SCYL2: variants seen among roughly 807,000 people sequenced by gnomAD.
SCYL2 encodes SCY1-like protein 2.
SCYL2 carries 36 observed loss-of-function variants against 100.4 expected under a neutral mutation model. The observed-to-expected ratio is 0.36, with a 90% CI of 0.27 to 0.47. The LOEUF (loss-of-function observed/expected upper bound fraction) is 0.47. Ranked by LOEUF, SCYL2 falls within the 20% of genes least tolerant of loss-of-function variation. SCYL2 has a pLI of 1.00. For synonymous variants in SCYL2, 330 were observed against 359.2 expected (o/e 0.92, Z 0.92); for missense variants, 902 against 1,083.9 (o/e 0.83, Z 2.36).
At chr12:100,268,891 A>T (rs1342535801) in intron 1 of SCYL2, among the ~76,000 whole-genome samples, 1 of 152,166 alleles carries the variant, frequency 6.6e-6, no homozygotes, top group Non-Finnish European at 1.5e-5. Context: ...TCAGCCTCTC[A>T]TGAAGTCCTG....
chr12:100,277,502 A>G (rs2096293774), intron 1 of SCYL2, among the ~76,000 whole-genome samples: 1 of 152,226 alleles, frequency 6.6e-6, no homozygotes, highest in Admixed American at 6.5e-5. Context: ...CTTTGTCATT[A>G]CAAAATGACT....
At chr12:100,326,869 A>G (rs113391756) in intron 12 of SCYL2, 115 bp downstream of exon 12, 2 of 802,222 alleles carry the variant, frequency 2.5e-6, no homozygotes, top group African/African-American at 1.8e-5. Flanking sequence ...TTGAAGAATG[A>G]TGTGATAAAT....
Position 100,298,048 on chromosome 12 carries a change from G to A in SCYL2, c.353G>A (p.Cys118Tyr), listed in dbSNP as rs1218288564. The A allele has an allele frequency of 6.2e-7, 1 of 1,608,886 alleles. No homozygotes were observed. Among genetic ancestry groups the A allele is most frequent in the Admixed American group, 1.7e-5 (1 of 58,820 alleles). Reference sequence around the variant, plus strand: ...TAAAACAGGGATTGCTTGGCATTTTGTACAGAACCAGTTTTTGCCAGTTTA... The same window carrying A: ...TAAAACAGGGATTGCTTGGCATTTTATACAGAACCAGTTTTTGCCAGTTTA... The part of the protein sequence containing the change: ...LEESRDCLAF[C>Y]TEPVFASLAN... Residue 118 changes from cysteine (C) to tyrosine (Y), a missense_variant, in exon 4 of 18, where the codon TGT (cysteine) becomes TAT (tyrosine). Transcript: ENST00000360820.
chr12:100,314,915 G>T (rs993065603), intron 8 of SCYL2, among the ~76,000 whole-genome samples: 1 of 152,180 alleles, frequency 6.6e-6, no homozygotes, highest in African/African-American at 2.4e-5. Context: ...AGCAGTTAAA[G>T]GGGTACTTCT....
chr12:100,315,764 C>T (rs746585341), intron 9 of SCYL2, 30 bp downstream of exon 9: 1 of 1,357,950 alleles, frequency 7.4e-7, no homozygotes. Context: ...GTGTATTTAT[C>T]TACTGTTATT....
At chr12:100,298,242 CTT>C in intron 4 of SCYL2, 67 bp downstream of exon 4, 1 of 1,154,454 alleles carries the variant, frequency 8.7e-7, no homozygotes, top group Non-Finnish European at 1.2e-6. Context: ...GCATTTCAAA[CTT>C]ATTAACCATG....
At chr12:100,273,167 A>T (rs1252053366) in intron 1 of SCYL2, among the ~76,000 whole-genome samples, 3 of 151,844 alleles carry the variant, frequency 2.0e-5, no homozygotes. Context: ...CTTACTACTC[A>T]ATGTCCTTGG....
chr12:100,297,088 A>T (rs1161380789), intron 3 of SCYL2, among the ~76,000 whole-genome samples: 2 of 152,202 alleles, frequency 1.3e-5, no homozygotes, highest in Non-Finnish European at 2.9e-5. Context: ...ACTACTTTGT[A>T]GTTCTTCATT....
Position 100,281,033 on chromosome 12 carries a change from T to TG in SCYL2, c.-28-1910_-28-1909insG, listed in dbSNP as rs1363764395. On this transcript the variant is annotated intron_variant, in intron 1 of 17. Transcript: ENST00000360820. ...TTACCATCAGTGTTTTTTTTTTTTTTTTTTTTTTTTTTTTTGAGATAGAGC... is the reference window on the plus strand; with the variant it reads ...TTACCATCAGTGTTTTTTTTTTTTTTGTTTTTTTTTTTTTTTGAGATAGAGC... 8.0e-4 allele frequency among the ~76,000 whole-genome samples: 108 copies of TG among 135,098 alleles called. 1 individual carries two copies. Among genetic ancestry groups the TG allele is most frequent in the African/African-American group, 2.8e-3 (100 of 35,644 alleles). 88.6% of individuals were successfully genotyped at this position (135,098 alleles called of 152,430 possible). A position where few individuals can be genotyped will look rare whatever the true frequency, so the allele number is the denominator to read the frequency against.
At chr12:100,330,516 A>T (rs1021789005) in intron 13 of SCYL2, among the ~76,000 whole-genome samples, 6 of 152,214 alleles carry the variant, frequency 3.9e-5, no homozygotes, top group African/African-American at 1.4e-4. Flanking sequence ...GAGAAAATTG[A>T]GATATAGAGA....
At chr12:100,294,913 T>C (rs1485362637) in intron 3 of SCYL2, among the ~76,000 whole-genome samples, 2 of 142,114 alleles carry the variant, frequency 1.4e-5, no homozygotes, top group South Asian at 2.3e-4. Context: ...GGGCGGCTGC[T>C]GGGCGGAGGG....
At chr12:100,325,338 T>C (rs1316364295) in intron 11 of SCYL2, among the ~76,000 whole-genome samples, 1 of 152,230 alleles carries the variant, frequency 6.6e-6, no homozygotes, top group Non-Finnish European at 1.5e-5. Flanking sequence ...TATATGTATG[T>C]TTCTTTTTAA....
rs1952176747 is a variant in SCYL2, at chr12:100,329,206, T to A, written c.1648T>A (p.Tyr550Asn). The change falls in exon 13 of 18, where the codon TAC becomes AAC. Residue 550 changes from tyrosine (Y) to asparagine (N), a missense_variant. Transcript: ENST00000360820. ...GTCACATTCTTTTCTATCAGGTATT[T>A]ACAAATGTACTTTTACTCATAAGAA... Reference protein sequence around the residue: ...PAVLMGILGIYKCTFTHKKLG... With the variant: ...PAVLMGILGINKCTFTHKKLG... The A allele has an allele frequency of 1.3e-6, 2 of 1,529,640 alleles. No homozygotes were observed. The highest frequency in any genetic ancestry group is 1.8e-6 in the Non-Finnish European group (2 of 1,103,830). The allele number at this position is 1,529,640 out of a possible 1,614,324, so 94.8% of individuals were successfully genotyped here.
At chr12:100,311,244 G>T (rs1474431930) in intron 5 of SCYL2, 51 bp downstream of exon 5, 1 of 1,543,660 alleles carries the variant, frequency 6.5e-7, no homozygotes, top group African/African-American at 1.4e-5. Context: ...AATTTTGATT[G>T]CATCTGGAAT....
At chr12:100,326,540 T>C in intron 11 of SCYL2, 82 bp from the exon 12 acceptor site, 1 of 946,502 alleles carries the variant, frequency 1.1e-6, no homozygotes, top group East Asian at 2.7e-5. Flanking sequence ...CATATTTATA[T>C]GAAGATTAAG....
rs1229263411 is a variant in SCYL2 at position 100,340,298 on chromosome 12, G to A, written c.*1126G>A. ...CTATTAGCCATTTTTAGGAAGGAAA[G>A]AATCAATTCTCTTAACAGGAAACAT... On this transcript the variant is annotated 3_prime_UTR_variant, in exon 18 of 18. Transcript: ENST00000360820. The A allele has an allele frequency of 6.6e-6, 1 of 152,298 alleles. No individual in the cohort carries two copies. Among genetic ancestry groups the A allele is most frequent in the Non-Finnish European group, 1.5e-5 (1 of 67,946 alleles). The allele number at this position is 152,298 out of a possible 1,614,324, so 9.4% of individuals were successfully genotyped here. A position where few individuals can be genotyped will look rare whatever the true frequency, so the allele number is the denominator to read the frequency against.
At chr12:100,318,647 T>G (rs995557352) in intron 10 of SCYL2, among the ~76,000 whole-genome samples, 9 of 152,198 alleles carry the variant, frequency 5.9e-5, no homozygotes, top group African/African-American at 2.2e-4. Context: ...TGCCTTTTTC[T>G]CATGAAAACA....
chr12:100,281,829 G>A (rs1183719091), intron 1 of SCYL2, among the ~76,000 whole-genome samples: 6 of 136,592 alleles, frequency 4.4e-5, no homozygotes, highest in East Asian at 4.3e-4. Context: ...GCTAGACTCC[G>A]TCTCAAAAAA....
rs1362573082 is a variant in SCYL2, at chr12:100,340,178, G to T, written c.*1006G>T. The T allele has an allele frequency of 6.6e-6, 1 of 152,504 alleles. No homozygotes were observed. Among genetic ancestry groups the T allele is most frequent in the Non-Finnish European group, 1.5e-5 (1 of 67,972 alleles). 9.4% of individuals were successfully genotyped at this position (152,504 alleles called of 1,614,324 possible). A position where few individuals can be genotyped will look rare whatever the true frequency, so the allele number is the denominator to read the frequency against. ...TCTTCTGACCACCAACAGATTTTCA[G>T]CTTGCCATGATAGTCTGACCTCATT... On this transcript the variant is annotated 3_prime_UTR_variant, in exon 18 of 18. Coordinates refer to ENST00000360820, the MANE Select transcript of SCYL2 (RefSeq NM_017988.6).
Sources: gnomAD v4.1 joint callset for allele counts (sites outside exome capture counted in the v4.1 genomes callset) on GRCh38, gnomAD v4.1.1 for gene constraint, MANE v1.5 for transcripts, NCBI Gene and HGNC (gene_info 2026-07-23, HGNC 2026-07-21) for gene names.